Variants in TRPC3 observed in about 807,000 individuals in gnomAD.
TRPC3 encodes short transient receptor potential channel 3.
Under a neutral mutation model 90.9 loss-of-function variants are expected in TRPC3, and 54 were observed. The ratio of observed to expected loss-of-function variants is 0.59; its 90% confidence interval spans 0.48 to 0.75. The LOEUF is 0.75. Ranked by LOEUF, TRPC3 falls within the 30% of genes least tolerant of loss-of-function variation. TRPC3 has a pLI of 0.00. For missense variants in TRPC3, 918 were observed against 1,194.5 expected, an observed-to-expected ratio of 0.77 and a Z score of 3.41; for synonymous variants, 424 against 450.9, an observed-to-expected ratio of 0.94 and a Z score of 0.75.
At chr4:121,890,841 A>G (rs1213648650) in intron 10 of TRPC3, among the ~76,000 whole-genome samples, 1 of 151,822 alleles carries the variant, frequency 6.6e-6, no homozygotes, top group Non-Finnish European at 1.5e-5. Context: ...AAAATACAAA[A>G]ATTGACCAGG....
At chr4:121,907,966 G>A (rs1158361636) in intron 6 of TRPC3, among the ~76,000 whole-genome samples, 3 of 152,086 alleles carry the variant, frequency 2.0e-5, no homozygotes, top group Non-Finnish European at 2.9e-5. Flanking sequence ...CAGCCGGAGT[G>A]TAACTTCTTT....
At position 121,932,465 on chromosome 4, in the gene TRPC3, AGTC is replaced by A; in HGVS notation, c.790_792del (p.Asp264del). On this transcript the variant is annotated inframe_deletion, in exon 2 of 12. Coordinates refer to ENST00000379645, the MANE Select transcript of TRPC3 (RefSeq NM_001130698.2). The surrounding 1 kb of genome is among the most constrained non-coding windows in gnomAD (Gnocchi z 7.7). ...ATGCAGTCCCCGCACTTGCAGAAAT[AGTC>A]GTGCGGCCGCTCGATCCTGGCACCC... 1 of 1,614,208 alleles carries A rather than the reference AGTC, an allele frequency of 6.2e-7. No individual in the cohort carries two copies. Among genetic ancestry groups the A allele is most frequent in the Non-Finnish European group, 8.5e-7 (1 of 1,180,032 alleles).
intron 3 of TRPC3, among the ~76,000 whole-genome samples, chr4:121,922,218 G>C (rs868175048): frequency 6.6e-6 from 1 of 152,060 alleles, no homozygotes; most frequent in East Asian, 1.9e-4. Flanking sequence ...CACCGTGCCC[G>C]GCCATGAAGG....
intron 10 of TRPC3, among the ~76,000 whole-genome samples, chr4:121,887,650 T>A (rs374195320): frequency 6.6e-6 from 1 of 152,222 alleles, no homozygotes; most frequent in African/African-American, 2.4e-5. Context: ...CGAAGTCATC[T>A]GTGAAAGCAG....
intron 10 of TRPC3, among the ~76,000 whole-genome samples, chr4:121,893,797 G>A (rs530493605): frequency 6.6e-6 from 1 of 152,100 alleles, no homozygotes; most frequent in South Asian, 2.1e-4. Flanking sequence ...ATAACAAAAA[G>A]CCCTTCAAGT....
chr4:121,875,441 A>G lies in TRPC3; in HGVS notation c.*4295T>C, dbSNP rs1278353962. The stretch of plus-strand genomic sequence containing the variant: ...ACCTACTAATTTTAAGTATTCCTCA[A>G]ATAATTAATTAGCAGGGTAAGGAAT... On this transcript the variant is annotated 3_prime_UTR_variant, in exon 12 of 12. Coordinates refer to ENST00000379645, the MANE Select transcript of TRPC3 (RefSeq NM_001130698.2). 6.6e-6 allele frequency among the ~76,000 whole-genome samples: 1 copy of G among 152,240 alleles called. No homozygotes were observed. Among genetic ancestry groups the G allele is most frequent in the African/African-American group, 2.4e-5 (1 of 41,456 alleles).
intron 6 of TRPC3, among the ~76,000 whole-genome samples, chr4:121,909,618 C>T (rs1729013888): frequency 1.3e-5 from 2 of 152,192 alleles, no homozygotes; most frequent in South Asian, 2.1e-4. Context: ...CCATTCCATG[C>T]CATGTGAACA....
chr4:121,946,434 C>T (rs1171212841), intron 1 of TRPC3, among the ~76,000 whole-genome samples: 2 of 152,058 alleles, frequency 1.3e-5, no homozygotes, highest in African/African-American at 4.8e-5. Context: ...AATATTTACT[C>T]CAAGAAAAAC....
chr4:121,926,583 T>G (rs1341417777), intron 2 of TRPC3, among the ~76,000 whole-genome samples: 4 of 152,006 alleles, frequency 2.6e-5, no homozygotes, highest in Non-Finnish European at 5.9e-5. Flanking sequence ...TCTTTTGTAT[T>G]TTCAGTAGAG....
chr4:121,951,543 C>G lies in TRPC3; in HGVS notation c.138G>C (p.Gly46=), dbSNP rs1392332075. The G allele has an allele frequency of 7.0e-7, 1 of 1,419,918 alleles. No homozygotes were observed. Among genetic ancestry groups the G allele is most frequent in the African/African-American group, 1.5e-5 (1 of 66,402 alleles). The allele number at this position is 1,419,918 out of a possible 1,614,324, so 88.0% of individuals were successfully genotyped here. The change falls in exon 1 of 12, where the codon GGG becomes GGC. Residue 46 remains glycine, a synonymous_variant. Coordinates refer to ENST00000379645, the MANE Select transcript of TRPC3 (RefSeq NM_001130698.2). The surrounding 1 kb of genome is among the most constrained non-coding windows in gnomAD (Gnocchi z 4.4). ...RRRGWRGVNG[G]LEPRSAPSQR... ...GCGAGGGCGCCGAGCGCGGCTCCAGCCCCCCGTTGACGCCCCTCCAGCCCC... is the reference window on the plus strand; with the variant it reads ...GCGAGGGCGCCGAGCGCGGCTCCAGGCCCCCGTTGACGCCCCTCCAGCCCC...
At chr4:121,946,985 C>T (rs545302085) in intron 1 of TRPC3, among the ~76,000 whole-genome samples, 1 of 151,764 alleles carries the variant, frequency 6.6e-6, no homozygotes, top group Non-Finnish European at 1.5e-5. Context: ...GAGTTAGAGA[C>T]CAGCCTGGGC....
intron 7 of TRPC3, among the ~76,000 whole-genome samples, chr4:121,906,518 T>A (rs1728887733): frequency 6.6e-6 from 1 of 152,104 alleles, no homozygotes; most frequent in Admixed American, 6.6e-5. Context: ...AAAAATTCAT[T>A]TTAGAACAAT....
intron 9 of TRPC3, 104 bp downstream of exon 9, chr4:121,902,748 C>A: frequency 2.4e-6 from 2 of 847,344 alleles, no homozygotes; most frequent in East Asian, 2.6e-5. Context: ...TTACTTTTAA[C>A]ATCTTCTAAG....
chr4:121,917,089 T>C (rs1729347082), intron 3 of TRPC3, among the ~76,000 whole-genome samples: 1 of 152,192 alleles, frequency 6.6e-6, no homozygotes, highest in Non-Finnish European at 1.5e-5. Context: ...CTAAGAAGCA[T>C]ATTTTATCAT....
chr4:121,886,997 C>A (rs1483192720), intron 10 of TRPC3, among the ~76,000 whole-genome samples: 1 of 152,120 alleles, frequency 6.6e-6, no homozygotes, highest in Non-Finnish European at 1.5e-5. Flanking sequence ...ATAACATAAG[C>A]TTTTGACTGG....
chr4:121,887,430 T>C (rs1410700777), intron 10 of TRPC3, among the ~76,000 whole-genome samples: 1 of 152,200 alleles, frequency 6.6e-6, no homozygotes, highest in East Asian at 1.9e-4. Flanking sequence ...ACATCATGTA[T>C]ATAACAGGGG....
intron 7 of TRPC3, among the ~76,000 whole-genome samples, chr4:121,905,769 G>A (rs908311494): frequency 2.0e-5 from 3 of 152,040 alleles, no homozygotes; most frequent in Admixed American, 2.0e-4. Context: ...TATTGACAGA[G>A]CACCTATTAT....
chr4:121,951,301 G>A lies in TRPC3; in HGVS notation c.215+165C>T, dbSNP rs971970219. ...GCGGGACCGAGGGGGCGAGCCTCCGGCCGAGGTCTGTCCCCTCCAAATCAC... is the reference window on the plus strand; with the variant it reads ...GCGGGACCGAGGGGGCGAGCCTCCGACCGAGGTCTGTCCCCTCCAAATCAC... On this transcript the variant is annotated intron_variant, in intron 1 of 11. Coordinates refer to ENST00000379645, the MANE Select transcript of TRPC3 (RefSeq NM_001130698.2). The surrounding 1 kb of genome is among the most constrained non-coding windows in gnomAD (Gnocchi z 4.4). 6.6e-6 allele frequency among the ~76,000 whole-genome samples: 1 copy of A among 151,990 alleles called. No homozygotes were observed. The highest frequency in any genetic ancestry group is 1.5e-5 in the Non-Finnish European group (1 of 67,970).
In TRPC3 at chr4:121,927,203, C is replaced by T. The variant is rs74697996; in HGVS notation, c.988-1997G>A. 8.6e-3 allele frequency among the ~76,000 whole-genome samples: 1,304 copies of T among 152,224 alleles called. 14 individuals are homozygous for T. Among genetic ancestry groups the T allele is most frequent in the African/African-American group, 0.029 (1,184 of 41,534 alleles). ...AACTAACACATTGCTAAAAATAATCCGTGAATCTTTAATTTCATTTGCATA... is the reference window on the plus strand; with the variant it reads ...AACTAACACATTGCTAAAAATAATCTGTGAATCTTTAATTTCATTTGCATA... On this transcript the variant is annotated intron_variant, in intron 2 of 11. Coordinates refer to ENST00000379645, the MANE Select transcript of TRPC3 (RefSeq NM_001130698.2).
Sources: allele counts gnomAD v4.1 joint callset (sites outside exome capture counted in the v4.1 genomes callset), GRCh38; gene constraint gnomAD v4.1.1; non-coding constraint Gnocchi (gnomAD v3.1); transcripts MANE v1.5; gene names NCBI Gene and HGNC (gene_info 2026-07-23, HGNC 2026-07-21).